COL8A1: variants seen among roughly 807,000 people sequenced by gnomAD.
COL8A1 encodes the protein collagen type VIII alpha 1 chain.
Under a neutral mutation model 42.7 loss-of-function variants are expected in COL8A1, and 21 were observed. The observed-to-expected ratio is 0.49, with a 90% CI of 0.35 to 0.71. The LOEUF (loss-of-function observed/expected upper bound fraction) is 0.71. Among genes scored for constraint, COL8A1 ranks in the 30% least tolerant of loss-of-function variants. The pLI is 0.01. For missense variants in COL8A1, 788 were observed against 962.4 expected (o/e 0.82, Z 2.40); for synonymous variants, 367 against 369.1 (o/e 0.99, Z 0.06).
At chr3:99,774,026 G>A (rs562126239) in intron 2 of COL8A1, among the ~76,000 whole-genome samples, 37 of 149,166 alleles carry the variant, frequency 2.5e-4, no homozygotes, top group African/African-American at 9.1e-4. Context: ...TGTATTTTTA[G>A]TAGAGATGGG....
chr3:99,794,915 G>A lies in COL8A1; in HGVS notation c.1014G>A (p.Leu338=), dbSNP rs200329310. 1 of 1,599,030 alleles carries A rather than the reference G, an allele frequency of 6.3e-7. No individual in the cohort carries two copies. Among genetic ancestry groups the A allele is most frequent in the Admixed American group, 1.7e-5 (1 of 57,450 alleles). The change falls in exon 4 of 4, where the codon CTG becomes CTA. Residue 338 remains leucine, a synonymous_variant. Transcript: ENST00000652472. This position sits in a 1 kb window ranked among gnomAD's most constrained non-coding sequence, Gnocchi z 4.3. ...CAGGTGGCAAAGGGGAGCAAGGACT[G>A]CCAGGGCTACCAGGACCCCCAGGCC... ...GFPGGKGEQG[L]PGLPGPPGLP...
chr3:99,795,478 C>T lies in COL8A1; in HGVS notation c.1577C>T (p.Pro526Leu), dbSNP rs1236832748. Residue 526 changes from proline to leucine, a missense_variant, in exon 4 of 4, where the codon CCC becomes CTC. By Grantham distance (98) the Pro-to-Leu change is moderately conservative. Transcript: ENST00000652472. The stretch of plus-strand genomic sequence containing the variant: ...AAAGGGGAGCCGGGCCTCCCAGGGC[C>T]CCCTGGGTTCCCTGGTATAGGGAAA... ...GPKGEPGLPG[P>L]PGFPGIGKPG... The T allele has an allele frequency of 1.9e-6, 3 of 1,545,542 alleles. No homozygotes were observed. The highest frequency in any genetic ancestry group is 2.6e-6 in the Non-Finnish European group (3 of 1,144,030).
chr3:99,643,681 T>C lies in COL8A1; in HGVS notation c.-129+5017T>C, dbSNP rs540940625. 2.0e-5 allele frequency among the ~76,000 whole-genome samples: 3 copies of C among 152,354 alleles called. No homozygotes were observed. In the East Asian group the frequency reaches 5.8e-4, roughly 29 times the overall value. On this transcript the variant is annotated intron_variant, in intron 1 of 3. Transcript: ENST00000652472. ...GAAGAGTTCATTTTAGCCTTAGCAA[T>C]GGCTAAGCCGTTTTCCTGTCTGCAA...
At chr3:99,663,169 A>G (rs1423889775) in intron 1 of COL8A1, among the ~76,000 whole-genome samples, 10 of 152,132 alleles carry the variant, frequency 6.6e-5, no homozygotes, top group Non-Finnish European at 1.5e-4. Context: ...ATTTTGTTTT[A>G]TTGTTTTTTG....
intron 1 of COL8A1, among the ~76,000 whole-genome samples, chr3:99,647,966 C>T (rs1403679873): frequency 2.6e-5 from 4 of 152,170 alleles, no homozygotes; most frequent in African/African-American, 9.7e-5. Context: ...GTAAGTGGCA[C>T]AGTTGAGCAC....
chr3:99,796,232 A>G lies in COL8A1; in HGVS notation c.*96A>G. 9.6e-7 allele frequency: 1 copy of G among 1,040,574 alleles called. No individual in the cohort carries two copies. Among genetic ancestry groups the G allele is most frequent in the Non-Finnish European group, 1.3e-6 (1 of 752,506 alleles). 64.5% of individuals were successfully genotyped at this position (1,040,574 alleles called of 1,614,324 possible). Reference sequence around the variant, plus strand: ...ATGAAAAACATAATTGCTTCAAAACACTTACACAGTTGGAAAGTTATATGT... The same window carrying G: ...ATGAAAAACATAATTGCTTCAAAACGCTTACACAGTTGGAAAGTTATATGT... On this transcript the variant is annotated 3_prime_UTR_variant, in exon 4 of 4. Transcript: ENST00000652472.
At chr3:99,667,668 G>A (rs1388554882) in intron 1 of COL8A1, among the ~76,000 whole-genome samples, 1 of 152,118 alleles carries the variant, frequency 6.6e-6, no homozygotes, top group East Asian at 1.9e-4. Flanking sequence ...CAGAAGTATT[G>A]TGTTGAGAAA....
chr3:99,754,037 T>C (rs1576463863), intron 2 of COL8A1, among the ~76,000 whole-genome samples: 1 of 152,336 alleles, frequency 6.6e-6, no homozygotes, highest in African/African-American at 2.4e-5. Flanking sequence ...TTGTAAACTG[T>C]TGTCAGTTAC....
intron 2 of COL8A1, among the ~76,000 whole-genome samples, chr3:99,750,716 G>T (rs1000625117): frequency 3.3e-5 from 5 of 152,102 alleles, no homozygotes; most frequent in Non-Finnish European, 7.4e-5. Flanking sequence ...CTCTAGACAA[G>T]AAAGGTTAAA....
chr3:99,768,341 G>C (rs568845323), intron 2 of COL8A1, among the ~76,000 whole-genome samples: 1 of 152,244 alleles, frequency 6.6e-6, no homozygotes, highest in East Asian at 1.9e-4. Context: ...AGATGGTATG[G>C]GCTATTGCAC....
Position 99,671,010 on chromosome 3 carries a change from G to A in COL8A1, c.-129+32346G>A, listed in dbSNP as rs564969174. ...TAATGTGTGTGTGTGTTAGAGATGT[G>A]TGTGTTGGGGGGGTTATTTAAAAGT... On this transcript the variant is annotated intron_variant, in intron 1 of 3. Transcript: ENST00000652472. 1.4e-4 allele frequency among the ~76,000 whole-genome samples: 21 copies of A among 151,802 alleles called. No individual in the cohort carries two copies. The South Asian group carries it at 4.0e-3, about 29-fold the overall frequency.
At chr3:99,769,746 G>A (rs191381291) in intron 2 of COL8A1, among the ~76,000 whole-genome samples, 4 of 152,130 alleles carry the variant, frequency 2.6e-5, no homozygotes, top group Admixed American at 1.3e-4. Flanking sequence ...TGGTGAAACC[G>A]TGTCTCTATT....
chr3:99,713,121 C>T (rs1178268225), intron 1 of COL8A1, among the ~76,000 whole-genome samples: 1 of 152,094 alleles, frequency 6.6e-6, no homozygotes, highest in Non-Finnish European at 1.5e-5. Context: ...AACATTATCT[C>T]AGTTAATCCT....
At chr3:99,728,835 A>T (rs1385365024) in intron 1 of COL8A1, among the ~76,000 whole-genome samples, 1 of 151,956 alleles carries the variant, frequency 6.6e-6, no homozygotes, top group East Asian at 1.9e-4. Context: ...TCAATTTAAG[A>T]TTTGCTCTAT....
intron 1 of COL8A1, among the ~76,000 whole-genome samples, chr3:99,654,195 G>T (rs912643136): frequency 1.3e-5 from 2 of 152,058 alleles, no homozygotes; most frequent in African/African-American, 2.4e-5. Flanking sequence ...ACCTTCTTCC[G>T]CCTGCTTTAT....
intron 1 of COL8A1, among the ~76,000 whole-genome samples, chr3:99,707,750 A>T (rs1939722057): frequency 1.3e-5 from 2 of 152,196 alleles, no homozygotes; most frequent in African/African-American, 4.8e-5. Flanking sequence ...AAAAGTAATA[A>T]GATTAAAAAC....
At chr3:99,734,509 A>C (rs1386074974) in intron 1 of COL8A1, among the ~76,000 whole-genome samples, 4 of 151,694 alleles carry the variant, frequency 2.6e-5, no homozygotes, top group African/African-American at 9.7e-5. Flanking sequence ...ATTGAACTAT[A>C]TCTCTGTTTT....
intron 1 of COL8A1, among the ~76,000 whole-genome samples, chr3:99,694,521 C>T (rs924218883): frequency 2.0e-5 from 3 of 152,170 alleles, no homozygotes; most frequent in Admixed American, 6.5e-5. Context: ...GCCATGTGCA[C>T]GCTTTGAAAA....
chr3:99,678,805 T>C (rs531710891), intron 1 of COL8A1: 1 of 152,116 alleles, frequency 6.6e-6, no homozygotes, highest in Non-Finnish European at 1.5e-5. Context: ...ATAGCAAAAA[T>C]GTATTAGATA....
Sources: allele counts gnomAD v4.1 joint callset (sites outside exome capture counted in the v4.1 genomes callset), GRCh38; gene constraint gnomAD v4.1.1; non-coding constraint Gnocchi (gnomAD v3.1); transcripts MANE v1.5; gene names NCBI Gene and HGNC (gene_info 2026-07-23, HGNC 2026-07-21).